Variants in PLCG2 observed in about 807,000 individuals in gnomAD.
PLCG2 encodes 1-phosphatidylinositol 4,5-bisphosphate phosphodiesterase gamma-2.
In PLCG2, 69 loss-of-function variants were observed where a neutral mutation model predicts 175.6. The ratio of observed to expected loss-of-function variants is 0.39; its 90% CI spans 0.32 to 0.48. The LOEUF is 0.48. PLCG2 is among the 20% of genes least tolerant of loss of function. PLCG2 has a pLI of 0.91. For missense variants in PLCG2, 1,798 were observed against 1,650.9 expected, an observed-to-expected ratio of 1.09 and a Z score of -1.54; for synonymous variants, 827 against 624.0, an observed-to-expected ratio of 1.33 and a Z score of -4.85.
intron 2 of PLCG2, among the ~76,000 whole-genome samples, chr16:81,805,352 A>G (rs1030178706): frequency 6.6e-6 from 1 of 151,990 alleles, no homozygotes; most frequent in Non-Finnish European, 1.5e-5. Flanking sequence ...ATAAAAAATT[A>G]GCCGGGTGTG....
chr16:81,795,663 A>G (rs115874927), intron 2 of PLCG2, among the ~76,000 whole-genome samples: 13 of 151,800 alleles, frequency 8.6e-5, no homozygotes, highest in Non-Finnish European at 1.8e-4. Context: ...TCTATGGGCC[A>G]TACCTGAAGT....
chr16:81,858,001 A>T, intron 3 of PLCG2: 1 of 460,154 alleles, frequency 2.2e-6, no homozygotes, highest in Non-Finnish European at 4.0e-6. Flanking sequence ...CTCCATTCTT[A>T]GCTGATTCCA....
chr16:81,749,371 T>C (rs1909762555), intron 1 of PLCG2, among the ~76,000 whole-genome samples: 1 of 152,200 alleles, frequency 6.6e-6, no homozygotes, highest in African/African-American at 2.4e-5. Flanking sequence ...TTTTTTGCGA[T>C]GGAGTCTCAT....
At chr16:81,894,644 G>A (rs1453371109) in intron 12 of PLCG2, among the ~76,000 whole-genome samples, 4 of 152,142 alleles carry the variant, frequency 2.6e-5, no homozygotes, top group African/African-American at 4.8e-5. Context: ...AGGTCGAGGT[G>A]GGCGGATCAC....
chr16:81,872,860 G>A (rs146875009), intron 7 of PLCG2, among the ~76,000 whole-genome samples: 19 of 152,172 alleles, frequency 1.2e-4, no homozygotes, highest in African/African-American at 4.3e-4. Context: ...TTTAAGTGAT[G>A]AGCATGAATG....
chr16:81,957,757 GT>G (rs1911633784), intron 32 of PLCG2, among the ~76,000 whole-genome samples, 198 bp from the exon 33 acceptor site: 1 of 152,038 alleles, frequency 6.6e-6, no homozygotes, highest in Non-Finnish European at 1.5e-5. Flanking sequence ...CTCTTACTCT[GT>G]TTTACCATTG....
rs544184506 is a variant in PLCG2 at position 81,870,944 on chromosome 16, A to T, written c.648+9A>T. 6.8e-7 allele frequency: 1 copy of T among 1,462,788 alleles called. No individual in the cohort carries two copies. Among genetic ancestry groups the T allele is most frequent in the South Asian group, 1.2e-5 (1 of 84,712 alleles). 90.6% of individuals were successfully genotyped at this position (1,462,788 alleles called of 1,614,324 possible). On this transcript the variant is annotated intron_variant, in intron 7 of 32. Coordinates refer to ENST00000564138, the MANE Select transcript of PLCG2 (RefSeq NM_002661.5). The stretch of plus-strand genomic sequence containing the variant: ...TTGAACAGCAAAAATCGGTAAGATG[A>T]TTCTTGAGCAAGTGATCAAGTGATG...
chr16:81,847,473 G>A (rs955844417), intron 2 of PLCG2, among the ~76,000 whole-genome samples: 3 of 151,964 alleles, frequency 2.0e-5, no homozygotes, highest in African/African-American at 7.3e-5. Context: ...TCACATCGTT[G>A]GTTCCCCTGG....
chr16:81,815,022 G>C (rs556350996), intron 2 of PLCG2, among the ~76,000 whole-genome samples: 45 of 152,358 alleles, frequency 3.0e-4, no homozygotes, highest in African/African-American at 1.0e-3. Flanking sequence ...TCCAGTGGCT[G>C]TTCCAGCCTG....
intron 1 of PLCG2, among the ~76,000 whole-genome samples, chr16:81,779,767 G>T (rs1451250630): frequency 6.6e-6 from 1 of 152,134 alleles, no homozygotes; most frequent in African/African-American, 2.4e-5. Context: ...GCGGCTCTGC[G>T]TGGGGTGGCG....
At chr16:81,826,557 A>G (rs1905057476) in intron 2 of PLCG2, among the ~76,000 whole-genome samples, 1 of 152,182 alleles carries the variant, frequency 6.6e-6, no homozygotes, top group African/African-American at 2.4e-5. Context: ...TTAGAATAAC[A>G]CATGTTCAGT....
At chr16:81,847,029 ACT>A (rs1906157238) in intron 2 of PLCG2, among the ~76,000 whole-genome samples, 1 of 152,068 alleles carries the variant, frequency 6.6e-6, no homozygotes, top group South Asian at 2.1e-4. Context: ...GTCCCTCAAG[ACT>A]CTGTCCCATT....
intron 2 of PLCG2, among the ~76,000 whole-genome samples, chr16:81,803,100 T>A (rs1911810255): frequency 6.6e-6 from 1 of 151,394 alleles, no homozygotes; most frequent in South Asian, 2.1e-4. Context: ...AATACATGGC[T>A]TTTTGCATTT....
At chr16:81,884,995 C>G (rs1482391098) in intron 9 of PLCG2, among the ~76,000 whole-genome samples, 1 of 152,078 alleles carries the variant, frequency 6.6e-6, no homozygotes, top group African/African-American at 2.4e-5. Context: ...TCAACCGATC[C>G]TCCTGCCTCA....
At chr16:81,933,290 C>G (rs1463882808) in intron 25 of PLCG2, among the ~76,000 whole-genome samples, 1 of 152,190 alleles carries the variant, frequency 6.6e-6, no homozygotes, top group Admixed American at 6.5e-5. Context: ...CACAGCTACC[C>G]CTTTTGCGGA....
chr16:81,877,085 C>G (rs557767270), intron 7 of PLCG2, among the ~76,000 whole-genome samples: 2 of 152,188 alleles, frequency 1.3e-5, no homozygotes, highest in African/African-American at 4.8e-5. Flanking sequence ...GAGACTGTCA[C>G]CGTCTTGCCC....
In PLCG2 at chr16:81,854,542, A is replaced by G. The variant is rs1273224701; in HGVS notation, c.292A>G (p.Ile98Val). 9.3e-6 allele frequency: 15 copies of G among 1,613,890 alleles called. No individual in the cohort carries two copies. Among genetic ancestry groups the G allele is most frequent in the African/African-American group, 2.7e-5 (2 of 74,930 alleles). Reference sequence around the variant, plus strand: ...CCAGAAAGAAGACTGCTGCTTCACCATCCTATATGGCACTCAGTTCGTCCT... The same window carrying G: ...CCAGAAAGAAGACTGCTGCTTCACCGTCCTATATGGCACTCAGTTCGTCCT... Reference protein sequence around the residue: ...VRQKEDCCFTILYGTQFVLST... With the variant: ...VRQKEDCCFTVLYGTQFVLST... The change falls in exon 3 of 33, where the codon ATC becomes GTC. Residue 98 changes from isoleucine to valine, a missense_variant. Transcript: ENST00000564138.
chr16:81,953,178 T>C (rs1402556807), intron 31 of PLCG2, among the ~76,000 whole-genome samples: 1 of 152,196 alleles, frequency 6.6e-6, no homozygotes, highest in East Asian at 1.9e-4. Flanking sequence ...ATACAGATTG[T>C]AGGAGACTAA....
chr16:81,816,567 C>T (rs1332873929), intron 2 of PLCG2, among the ~76,000 whole-genome samples: 2 of 151,192 alleles, frequency 1.3e-5, no homozygotes, highest in Non-Finnish European at 2.9e-5. Flanking sequence ...CTGCCTTGAC[C>T]TCCTGGGCTC....
Sources: gnomAD v4.1 joint callset for allele counts (sites outside exome capture counted in the v4.1 genomes callset) on GRCh38, gnomAD v4.1.1 for gene constraint, MANE v1.5 for transcripts, NCBI Gene and HGNC (gene_info 2026-07-23, HGNC 2026-07-21) for gene names.